COL5A1: variants seen among roughly 807,000 people sequenced by gnomAD.
COL5A1 encodes the protein collagen type V alpha 1 chain.
In COL5A1, 16 loss-of-function variants were observed where a neutral mutation model predicts 263.7. The observed-to-expected ratio is 0.06, with a 90% CI of 0.04 to 0.09. The LOEUF (loss-of-function observed/expected upper bound fraction) is 0.09. COL5A1 is among the 10% of genes least tolerant of loss of function. The pLI is 1.00. For missense variants in COL5A1, 2,036 were observed against 2,540.5 expected, an observed-to-expected ratio of 0.80 and a Z score of 4.27; for synonymous variants, 1,012 against 1,004.5, an observed-to-expected ratio of 1.01 and a Z score of -0.14.
chr9:134,815,797 G>A, intron 51 of COL5A1, 138 bp from the exon 52 acceptor site: 1 of 1,269,656 alleles, frequency 7.9e-7, no homozygotes, highest in Non-Finnish European at 1.1e-6. Context: ...AAACGCCTTT[G>A]ACCCCACTGA....
chr9:134,817,230 C>T, intron 53 of COL5A1, 151 bp downstream of exon 53: 1 of 716,080 alleles, frequency 1.4e-6, no homozygotes, highest in Non-Finnish European at 2.4e-6. Flanking sequence ...TAGCCTCGGC[C>T]ACATCATCAC....
rs1163258966 is a variant in COL5A1, at chr9:134,756,619, C to A, written c.1828-146C>A. On this transcript the variant is annotated intron_variant, in intron 16 of 65. Transcript: ENST00000371817. ...CCGGGCTCCTGGATCTGGGTCCTCG[C>A]AGCAGCCCGGCCACTCGGGCTGTGA... The A allele has an allele frequency of 4.6e-6, 4 of 868,110 alleles. No homozygotes were observed. The African/African-American group carries it at 5.0e-5, about 11-fold the overall frequency. The allele number at this position is 868,110 out of a possible 1,614,324, so 53.8% of individuals were successfully genotyped here. A position where few individuals can be genotyped will look rare whatever the true frequency, so the allele number is the denominator to read the frequency against.
At chr9:134,744,692 C>T (rs1274512769) in intron 11 of COL5A1, among the ~76,000 whole-genome samples, 2 of 151,424 alleles carry the variant, frequency 1.3e-5, no homozygotes, top group Non-Finnish European at 2.9e-5. Context: ...CACATGCATG[C>T]ACACACCCAT....
chr9:134,741,891 C>A lies in COL5A1; in HGVS notation c.1494+3083C>A, dbSNP rs1000363212. 2.6e-5 allele frequency among the ~76,000 whole-genome samples: 4 copies of A among 152,086 alleles called. No individual in the cohort carries two copies. Among genetic ancestry groups the A allele is most frequent in the African/African-American group, 9.7e-5 (4 of 41,428 alleles). ...CTCCCTTCCCCAAGGGCCGTCTGGC[C>A]GTGACCGGTTTGTGCCTTTTCTTCC... On this transcript the variant is annotated intron_variant, in intron 11 of 65. Transcript: ENST00000371817. This position sits in a 1 kb window ranked among gnomAD's most constrained non-coding sequence, Gnocchi z 4.5.
intron 63 of COL5A1, among the ~76,000 whole-genome samples, chr9:134,828,836 CAG>C (rs1233968796): frequency 6.6e-6 from 1 of 151,028 alleles, no homozygotes; most frequent in Non-Finnish European, 1.5e-5. Context: ...ACACATCACA[CAG>C]ATACACCCAT....
In COL5A1 at chr9:134,691,057, A is replaced by T; in HGVS notation, c.255A>T (p.Ala85=). The T allele has an allele frequency of 6.2e-7, 1 of 1,613,386 alleles. No individual in the cohort carries two copies. The highest frequency in any genetic ancestry group is 8.5e-7 in the Non-Finnish European group (1 of 1,180,042). ...YRVTKDAQLS[A]PTKQLYPASA... is the part of the protein sequence containing the mutation. ...TCACCAAAGACGCGCAGCTCAGCGCACCCACCAAGCAGCTGTACCCTGGTA... is the reference window on the plus strand; with the variant it reads ...TCACCAAAGACGCGCAGCTCAGCGCTCCCACCAAGCAGCTGTACCCTGGTA... The change falls in exon 2 of 66, where the codon GCA becomes GCT. Residue 85 remains alanine (A), a synonymous_variant. Transcript: ENST00000371817.
At chr9:134,738,452 C>T (rs752053574) in intron 9 of COL5A1, 22 bp from the exon 10 acceptor site, 44 of 1,613,748 alleles carry the variant, frequency 2.7e-5, no homozygotes, top group Middle Eastern at 1.6e-4. Flanking sequence ...CGGTCTCAGA[C>T]GCCCTCTCTC....
At position 134,821,334 on chromosome 9, in the gene COL5A1, G is replaced by A. The variant is rs547852738; in HGVS notation, c.4555-763G>A. 1.5e-3 allele frequency among the ~76,000 whole-genome samples: 234 copies of A among 152,254 alleles called. 1 individual carries two copies. Among genetic ancestry groups the A allele is most frequent in the African/African-American group, 5.4e-3 (226 of 41,536 alleles). ...TTGGTGTGCAGGCTTGGGTAGTTGTGGGGTCCTTACAATGAGCCACAGCCC... is the reference window on the plus strand; with the variant it reads ...TTGGTGTGCAGGCTTGGGTAGTTGTAGGGTCCTTACAATGAGCCACAGCCC... On this transcript the variant is annotated intron_variant, in intron 58 of 65. Coordinates refer to ENST00000371817, the MANE Select transcript of COL5A1 (RefSeq NM_000093.5). The surrounding 1 kb of genome is among the most constrained non-coding windows in gnomAD (Gnocchi z 4.2).
intron 1 of COL5A1, among the ~76,000 whole-genome samples, chr9:134,651,141 C>T (rs1156502188): frequency 6.6e-6 from 1 of 152,254 alleles, no homozygotes; most frequent in East Asian, 1.9e-4. Flanking sequence ...CAGTGCGTAC[C>T]TGAAGCCTCT....
intron 49 of COL5A1, 62 bp from the exon 50 acceptor site, chr9:134,814,735 A>G: frequency 7.7e-7 from 1 of 1,300,142 alleles, no homozygotes. Flanking sequence ...GGGGAGGCCC[A>G]CCTTGCTCTG....
chr9:134,806,165 G>A, intron 41 of COL5A1, 24 bp from the exon 42 acceptor site: 1 of 1,515,634 alleles, frequency 6.6e-7, no homozygotes, highest in Non-Finnish European at 9.0e-7. Context: ...CTTTGAAGCA[G>A]ACTGTTTTCT....
chr9:134,797,077 C>T (rs940109382), intron 36 of COL5A1, among the ~76,000 whole-genome samples, 176 bp downstream of exon 36: 1 of 152,252 alleles, frequency 6.6e-6, no homozygotes, highest in Non-Finnish European at 1.5e-5. Context: ...GAGACCCCCC[C>T]ACCGCCAAGG....
chr9:134,768,295 C>G (rs2132731130), intron 24 of COL5A1, 115 bp from the exon 25 acceptor site: 1 of 998,414 alleles, frequency 1.0e-6, no homozygotes, highest in Non-Finnish European at 1.6e-6. Flanking sequence ...TCTGACCACA[C>G]TTCTCAGCAA....
rs775063630 is a variant in COL5A1 at position 134,796,840 on chromosome 9, G to A, written c.2845-8G>A. On this transcript the variant is annotated splice_region_variant and splice_polypyrimidine_tract_variant and intron_variant, in intron 35 of 65. Transcript: ENST00000371817. The stretch of plus-strand genomic sequence containing the variant: ...CTTGTCCTCAAACTGGCCTTTCTCT[G>A]TTCCCAGGGACCCAATGGACCCCAA... 24 of 1,614,036 alleles carry A rather than the reference G, an allele frequency of 1.5e-5. 1 individual carries two copies. In the Admixed American group the frequency reaches 2.5e-4, roughly 17 times the overall value.
chr9:134,684,524 A>G lies in COL5A1; in HGVS notation c.110-6388A>G, dbSNP rs1832952409. Among the ~76,000 whole-genome samples, 2 of 152,248 alleles carry G rather than the reference A, an allele frequency of 1.3e-5. 1 individual carries two copies. Among genetic ancestry groups the G allele is most frequent in the South Asian group, 4.1e-4 (2 of 4,838 alleles). ...CATCTCTGGTTCTTTGTGCTGGGCCACATTAGTCCACTGCTGGTCCAGGCC... is the reference window on the plus strand; with the variant it reads ...CATCTCTGGTTCTTTGTGCTGGGCCGCATTAGTCCACTGCTGGTCCAGGCC... On this transcript the variant is annotated intron_variant, in intron 1 of 65. Coordinates refer to ENST00000371817, the MANE Select transcript of COL5A1 (RefSeq NM_000093.5).
At position 134,728,722 on chromosome 9, in the gene COL5A1, ACGAAGACCC is replaced by A. The variant is rs1162104550; in HGVS notation, c.848_856del (p.Pro283_Asp285del). The A allele has an allele frequency of 6.2e-7, 1 of 1,614,130 alleles. No individual in the cohort carries two copies. The highest frequency in any genetic ancestry group is 1.3e-5 in the African/African-American group (1 of 75,044). Reference sequence around the variant, plus strand: ...ACCTATTACTACGAATACCCCTACTACGAAGACCCCGAAGACCTAGGGAAGGAGCCCACC... The same window carrying A: ...ACCTATTACTACGAATACCCCTACTACGAAGACCTAGGGAAGGAGCCCACC... On this transcript the variant is annotated inframe_deletion, in exon 6 of 66. Transcript: ENST00000371817.
At chr9:134,831,465 C>T (rs1470598544) in intron 64 of COL5A1, among the ~76,000 whole-genome samples, 2 of 152,172 alleles carry the variant, frequency 1.3e-5, no homozygotes, top group Non-Finnish European at 2.9e-5. Flanking sequence ...GAGCTGCTGG[C>T]ATACAGAAGG....
intron 4 of COL5A1, chr9:134,708,653 T>C (rs762711327): frequency 3.9e-6 from 2 of 518,732 alleles, no homozygotes; most frequent in South Asian, 2.8e-5. Flanking sequence ...CAGAGGCCCC[T>C]TGTCGTGTCT....
chr9:134,809,278 A>G lies in COL5A1; in HGVS notation c.3462A>G (p.Glu1154=). Reference sequence around the variant, plus strand: ...CTGGCCCTGTGGGTCCCCCTGGAGAAGACGGAGATAAGGTAAGGCAAATCC... The same window carrying G: ...CTGGCCCTGTGGGTCCCCCTGGAGAGGACGGAGATAAGGTAAGGCAAATCC... ...GPAGPVGPPG[E]DGDKGEIGEP... The change falls in exon 43 of 66, where the codon GAA becomes GAG. Residue 1154 remains glutamate (E), a synonymous_variant. Transcript: ENST00000371817. 7.5e-6 allele frequency: 12 copies of G among 1,608,766 alleles called. No homozygotes were observed. Among genetic ancestry groups the G allele is most frequent in the Non-Finnish European group, 1.0e-5 (12 of 1,178,244 alleles).
Sources: allele counts gnomAD v4.1 joint callset (sites outside exome capture counted in the v4.1 genomes callset), GRCh38; gene constraint gnomAD v4.1.1; non-coding constraint Gnocchi (gnomAD v3.1); transcripts MANE v1.5; gene names NCBI Gene and HGNC (gene_info 2026-07-23, HGNC 2026-07-21).